The following CCDC50 variants were observed in gnomAD, a reference collection of about 807,000 sequenced individuals.
CCDC50 encodes the protein coiled-coil domain-containing protein 50.
Under a neutral mutation model 70.2 loss-of-function variants are expected in CCDC50, and 54 were observed. The ratio of observed to expected loss-of-function variants is 0.77; its 90% CI spans 0.62 to 0.96. The LOEUF (loss-of-function observed/expected upper bound fraction) is 0.96. CCDC50 is among the 50% of genes least tolerant of loss of function. The pLI is 0.00. For missense variants in CCDC50, 558 were observed against 578.7 expected (o/e 0.96, Z 0.37); for synonymous variants, 216 against 198.8 (o/e 1.09, Z -0.73).
At chr3:191,384,267 T>A (rs112070061) in intron 10 of CCDC50, among the ~76,000 whole-genome samples, 5 of 152,284 alleles carry the variant, frequency 3.3e-5, no homozygotes, top group African/African-American at 1.2e-4. Flanking sequence ...TCTTTAAATG[T>A]CATTTTAGCA....
At position 191,329,575 on chromosome 3, in the gene CCDC50, T is replaced by C; in HGVS notation, c.-100T>C. ...CCTGCGAGCCCTGCCGGCCGGACTTTGCGCCGCGTCCGGCGCTGCTGCTGC... is the reference window on the plus strand; with the variant it reads ...CCTGCGAGCCCTGCCGGCCGGACTTCGCGCCGCGTCCGGCGCTGCTGCTGC... On this transcript the variant is annotated 5_prime_UTR_variant, in exon 1 of 12. Coordinates refer to ENST00000392455, the MANE Select transcript of CCDC50 (RefSeq NM_178335.3). 7.8e-7 allele frequency: 1 copy of C among 1,286,402 alleles called. No homozygotes were observed. Among genetic ancestry groups the C allele is most frequent in the Non-Finnish European group, 1.1e-6 (1 of 934,998 alleles). The allele number at this position is 1,286,402 out of a possible 1,614,324, so 79.7% of individuals were successfully genotyped here. A position where few individuals can be genotyped will look rare whatever the true frequency, so the allele number is the denominator to read the frequency against.
chr3:191,335,330 G>GC (rs1054406226), intron 1 of CCDC50, among the ~76,000 whole-genome samples: 1 of 152,168 alleles, frequency 6.6e-6, no homozygotes, highest in Non-Finnish European at 1.5e-5. Context: ...TTCAGAGGTA[G>GC]CCACTGGAAG....
At chr3:191,334,216 G>C (rs2108628475) in intron 1 of CCDC50, among the ~76,000 whole-genome samples, 1 of 152,182 alleles carries the variant, frequency 6.6e-6, no homozygotes, top group Middle Eastern at 3.4e-3. Flanking sequence ...CATGATCTTT[G>C]CTGTGGTATA....
chr3:191,346,213 C>G (rs912017067), intron 1 of CCDC50, among the ~76,000 whole-genome samples: 1 of 152,098 alleles, frequency 6.6e-6, no homozygotes, highest in Non-Finnish European at 1.5e-5. Flanking sequence ...ATATTTCTTG[C>G]TTCACTGTTT....
chr3:191,346,026 C>T (rs1711909474), intron 1 of CCDC50, among the ~76,000 whole-genome samples: 1 of 152,180 alleles, frequency 6.6e-6, no homozygotes, highest in South Asian at 2.1e-4. Flanking sequence ...GGTATAATTT[C>T]TCCATTCTGA....
intron 5 of CCDC50, among the ~76,000 whole-genome samples, chr3:191,373,681 C>G (rs895121576): frequency 6.6e-6 from 1 of 151,148 alleles, no homozygotes; most frequent in Non-Finnish European, 1.5e-5. Flanking sequence ...TTTTTATCAC[C>G]GGGTAATTCT....
chr3:191,358,666 C>A (rs1013779896), intron 3 of CCDC50, among the ~76,000 whole-genome samples: 3 of 152,198 alleles, frequency 2.0e-5, no homozygotes, highest in Middle Eastern at 3.2e-3. Context: ...CCTCCTTTAA[C>A]ACACAGATAA....
intron 4 of CCDC50, among the ~76,000 whole-genome samples, chr3:191,368,679 CATT>C (rs1712788749): frequency 1.3e-5 from 2 of 152,074 alleles, no homozygotes; most frequent in African/African-American, 4.8e-5. Context: ...AAATTTATAA[CATT>C]AACATTTAAT....
At chr3:191,377,613 A>T (rs1292032551) in intron 6 of CCDC50, among the ~76,000 whole-genome samples, 1 of 152,158 alleles carries the variant, frequency 6.6e-6, no homozygotes, top group East Asian at 1.9e-4. Flanking sequence ...ATACTGTGGC[A>T]TTCCCTAAAT....
rs1160371136 is a variant in CCDC50 at position 191,350,371 on chromosome 3, G to A, written c.50-6717G>A. Among the ~76,000 whole-genome samples, 8 of 141,638 alleles carry A rather than the reference G, an allele frequency of 5.6e-5. 1 individual carries two copies. The highest frequency in any genetic ancestry group is 2.0e-4 in the African/African-American group (8 of 39,742). 92.9% of individuals were successfully genotyped at this position (141,638 alleles called of 152,430 possible). A position where few individuals can be genotyped will look rare whatever the true frequency, so the allele number is the denominator to read the frequency against. On this transcript the variant is annotated intron_variant, in intron 1 of 11. Coordinates refer to ENST00000392455, the MANE Select transcript of CCDC50 (RefSeq NM_178335.3). ...GTATATAGTCCCTCTGCTACTCATA[G>A]CATTTACATAAAAAGAATAATTCAC...
intron 3 of CCDC50, 88 bp from the exon 4 acceptor site, chr3:191,360,981 G>A: frequency 1.2e-6 from 1 of 867,390 alleles, no homozygotes; most frequent in Non-Finnish European, 1.9e-6. Context: ...TTCTCATATA[G>A]TGAGTATTCA....
intron 2 of CCDC50, 101 bp downstream of exon 2, chr3:191,357,251 T>C: frequency 2.2e-6 from 2 of 890,480 alleles, no homozygotes; most frequent in South Asian, 2.8e-5. Context: ...CACAGTCACT[T>C]GGCTTCACCA....
In CCDC50 at chr3:191,329,671, C is replaced by A. The variant is rs911695399; in HGVS notation, c.-4C>A. The A allele has an allele frequency of 6.2e-7, 1 of 1,608,736 alleles. No homozygotes were observed. Among genetic ancestry groups the A allele is most frequent in the Non-Finnish European group, 8.5e-7 (1 of 1,178,228 alleles). ...TAAAGGGGCAACCGGGACCCTGGCC[C>A]GGTATGGCTGAAGTCAGCATCGACC... On this transcript the variant is annotated 5_prime_UTR_variant, in exon 1 of 12. Transcript: ENST00000392455.
chr3:191,364,856 TCTCA>T (rs1712626802), intron 4 of CCDC50, among the ~76,000 whole-genome samples: 1 of 152,264 alleles, frequency 6.6e-6, no homozygotes. Flanking sequence ...TTTCTTGCTC[TCTCA>T]CTCTGTCTTG....
rs752653124 is a variant in CCDC50, at chr3:191,342,630, A to T, written c.49+12907A>T. Among the ~76,000 whole-genome samples, 98 of 152,054 alleles carry T rather than the reference A, an allele frequency of 6.4e-4. 1 individual carries two copies. The highest frequency in any genetic ancestry group is 1.5e-4 in the Non-Finnish European group (10 of 68,026). On this transcript the variant is annotated intron_variant, in intron 1 of 11. Coordinates refer to ENST00000392455, the MANE Select transcript of CCDC50 (RefSeq NM_178335.3). ...GTTTATCCTACAGAGGTTTAAGGAGATGGGTGGCTTTTCTTTCTAGGCTAA... is the reference window on the plus strand; with the variant it reads ...GTTTATCCTACAGAGGTTTAAGGAGTTGGGTGGCTTTTCTTTCTAGGCTAA...
In CCDC50 at chr3:191,393,794, T is replaced by C. The variant is rs1216991169; in HGVS notation, c.*2034T>C. 1.3e-5 allele frequency: 2 copies of C among 152,216 alleles called. No homozygotes were observed. Among genetic ancestry groups the C allele is most frequent in the East Asian group, 1.9e-4 (1 of 5,200 alleles). 9.4% of individuals were successfully genotyped at this position (152,216 alleles called of 1,614,324 possible). ...CCAAAGCTTAGGCCTTGTTTACTTA[T>C]AGTAATGCTATATTTTTCTTTATCT... On this transcript the variant is annotated 3_prime_UTR_variant, in exon 12 of 12. Transcript: ENST00000392455.
chr3:191,371,757 C>T (rs1712920441), intron 5 of CCDC50, among the ~76,000 whole-genome samples: 1 of 152,126 alleles, frequency 6.6e-6, no homozygotes. Context: ...AAACACTCTT[C>T]TCTTTTTTGA....
At chr3:191,382,418 CA>C (rs1713350806) in intron 9 of CCDC50, among the ~76,000 whole-genome samples, 3 of 152,130 alleles carry the variant, frequency 2.0e-5, no homozygotes, top group Non-Finnish European at 4.4e-5. Flanking sequence ...TGTTAATAAT[CA>C]GTGGCCAAGC....
intron 1 of CCDC50, among the ~76,000 whole-genome samples, chr3:191,331,248 G>A (rs968042257): frequency 1.3e-5 from 2 of 152,154 alleles, no homozygotes; most frequent in Non-Finnish European, 2.9e-5. Context: ...GGTATGTATA[G>A]TATTAATCAT....
Sources: allele counts gnomAD v4.1 joint callset (sites outside exome capture counted in the v4.1 genomes callset), GRCh38; gene constraint gnomAD v4.1.1; transcripts MANE v1.5; gene names NCBI Gene and HGNC (gene_info 2026-07-23, HGNC 2026-07-21).